Variants in DIAPH1 observed in about 807,000 individuals in gnomAD.
DIAPH1 encodes protein diaphanous homolog 1.
In DIAPH1, 46 loss-of-function variants were observed where a neutral mutation model predicts 140.7. The observed-to-expected ratio is 0.33, with a 90% CI of 0.26 to 0.42. DIAPH1 has a LOEUF of 0.42. Ranked by LOEUF, DIAPH1 falls within the 10% of genes least tolerant of loss-of-function variation. DIAPH1 has a pLI of 1.00. For missense variants in DIAPH1, 1,310 were observed against 1,558.7 expected (o/e 0.84, Z 2.69); for synonymous variants, 565 against 551.6 (o/e 1.02, Z -0.34).
intron 18 of DIAPH1, among the ~76,000 whole-genome samples, chr5:141,535,797 C>A (rs979040668): frequency 7.9e-5 from 12 of 152,136 alleles, no homozygotes; most frequent in African/African-American, 2.9e-4. Context: ...ATGGGAATAT[C>A]CCCGAAAGGA....
intron 6 of DIAPH1, 114 bp downstream of exon 6, chr5:141,583,092 T>C (rs1311296509): frequency 2.2e-6 from 2 of 918,042 alleles, no homozygotes; most frequent in South Asian, 1.3e-5. Context: ...TGGCTAACAG[T>C]ACATTCCCCT....
intron 12 of DIAPH1, 76 bp from the exon 13 acceptor site, chr5:141,576,947 CG>C (rs1457954508): frequency 1.6e-5 from 15 of 914,708 alleles, no homozygotes; most frequent in Non-Finnish European, 2.5e-5. Context: ...ACCAAGAAAA[CG>C]TAATTGCTCT....
Position 141,573,830 on chromosome 5 carries a change from C to T in DIAPH1, c.2020G>A (p.Ala674Thr), listed in dbSNP as rs1326546832. 4.6e-6 allele frequency: 7 copies of T among 1,518,630 alleles called. No individual in the cohort carries two copies. The highest frequency in any genetic ancestry group is 2.6e-5 in the South Asian group (2 of 76,656). The allele number at this position is 1,518,630 out of a possible 1,614,324, so 94.1% of individuals were successfully genotyped here. ...GGCAAAGGAGGAGGTGGGGGGATGG[C>T]AGTACCTCCAGGCAAAGAAGAGGGT... The part of the protein sequence containing the change: ...PSPSSLPGGT[A>T]IPPPPPLPGS... The change falls in exon 16 of 28, where the codon GCC becomes ACC. Residue 674 changes from alanine to threonine, a missense_variant. Physicochemically the swap from Ala to Thr is moderately conservative, Grantham distance 58. Around this residue, in one of 3 missense-constraint regions of DIAPH1, gnomAD observed 589 missense variants for 549.3 expected, o/e 1.07. Coordinates refer to ENST00000389054, the MANE Select transcript of DIAPH1 (RefSeq NM_005219.5).
intron 26 of DIAPH1, among the ~76,000 whole-genome samples, 171 bp downstream of exon 26, chr5:141,525,867 G>A (rs1348914623): frequency 6.6e-6 from 1 of 152,284 alleles, no homozygotes; most frequent in East Asian, 1.9e-4. Context: ...GTTGGAATGC[G>A]CATGTATCAG....
intron 18 of DIAPH1, among the ~76,000 whole-genome samples, chr5:141,567,044 C>T (rs904507037): frequency 2.6e-5 from 4 of 152,080 alleles, no homozygotes; most frequent in East Asian, 1.9e-4. Context: ...GTACAGTGGA[C>T]CAGTTTCAGG....
At chr5:141,584,324 G>C (rs1430091256) in intron 3 of DIAPH1, 99 bp from the exon 4 acceptor site, 1 of 711,862 alleles carries the variant, frequency 1.4e-6, no homozygotes, top group Non-Finnish European at 2.5e-6. Context: ...AGTTGAGCAT[G>C]TAAAATGCTT....
intron 8 of DIAPH1, among the ~76,000 whole-genome samples, chr5:141,579,630 C>G (rs1490837267): frequency 6.6e-6 from 1 of 152,108 alleles, no homozygotes; most frequent in Non-Finnish European, 1.5e-5. Context: ...TCACCTAGAA[C>G]AGATAGTGAA....
chr5:141,559,936 T>C (rs1265306344), intron 18 of DIAPH1, among the ~76,000 whole-genome samples: 1 of 152,220 alleles, frequency 6.6e-6, no homozygotes, highest in African/African-American at 2.4e-5. Context: ...CATGCATACA[T>C]CACTCAGTTT....
chr5:141,534,215 G>T, intron 19 of DIAPH1, 120 bp downstream of exon 19: 1 of 781,284 alleles, frequency 1.3e-6, no homozygotes, highest in Non-Finnish European at 2.2e-6. Flanking sequence ...GCAATGGTTG[G>T]TATATAGCAG....
At chr5:141,561,849 T>C (rs933368712) in intron 18 of DIAPH1, 2 of 152,180 alleles carry the variant, frequency 1.3e-5, no homozygotes, top group African/African-American at 4.8e-5. Flanking sequence ...GGACACTAAG[T>C]TCTAGAGCAA....
chr5:141,571,550 A>C (rs1054410054), intron 17 of DIAPH1, 114 bp from the exon 18 acceptor site: 4 of 922,660 alleles, frequency 4.3e-6, no homozygotes, highest in Non-Finnish European at 6.9e-6. Context: ...CAGTCACCCA[A>C]ACTGTTAAAG....
chr5:141,548,098 C>T (rs1293737757), intron 18 of DIAPH1, among the ~76,000 whole-genome samples: 2 of 151,992 alleles, frequency 1.3e-5, no homozygotes, highest in Non-Finnish European at 2.9e-5. Context: ...TCTCAGGAAG[C>T]TGAGGTAGGA....
chr5:141,522,237 C>G (rs2099886661), intron 27 of DIAPH1, among the ~76,000 whole-genome samples: 1 of 152,222 alleles, frequency 6.6e-6, no homozygotes, highest in Non-Finnish European at 1.5e-5. Flanking sequence ...GCTAGAGCCA[C>G]TTAAAATATA....
intron 1 of DIAPH1, among the ~76,000 whole-genome samples, chr5:141,605,345 C>G (rs148374366): frequency 2.2e-4 from 33 of 151,864 alleles, no homozygotes; most frequent in Non-Finnish European, 4.4e-4. Flanking sequence ...CTAAAATATA[C>G]AAAGACTGTA....
At chr5:141,523,303 C>A (rs1373125475) in intron 27 of DIAPH1, among the ~76,000 whole-genome samples, 1 of 152,206 alleles carries the variant, frequency 6.6e-6, no homozygotes, top group Non-Finnish European at 1.5e-5. Flanking sequence ...GAAGCCACCA[C>A]TCCTAGCCTC....
At chr5:141,573,371 C>G (rs1429340351) in intron 16 of DIAPH1, 121 bp downstream of exon 16, 6 of 1,246,022 alleles carry the variant, frequency 4.8e-6, no homozygotes, top group Non-Finnish European at 6.8e-6. Flanking sequence ...GGAGGCGGAG[C>G]TTGCAGTGAG....
At chr5:141,551,139 T>G (rs966899121) in intron 18 of DIAPH1, among the ~76,000 whole-genome samples, 2 of 152,226 alleles carry the variant, frequency 1.3e-5, no homozygotes, top group Non-Finnish European at 2.9e-5. Context: ...TGTACCGCAT[T>G]TATGGACCTG....
intron 19 of DIAPH1, among the ~76,000 whole-genome samples, chr5:141,531,457 C>T (rs563987835): frequency 6.6e-6 from 1 of 152,110 alleles, no homozygotes; most frequent in East Asian, 1.9e-4. Flanking sequence ...GGACTATAGG[C>T]ATGCGGCACC....
chr5:141,571,527 G>T, intron 17 of DIAPH1, 91 bp from the exon 18 acceptor site: 2 of 1,144,330 alleles, frequency 1.7e-6, no homozygotes, highest in Non-Finnish European at 2.6e-6. Flanking sequence ...TCTTGTTACT[G>T]TAGACAGTCA....
Sources: gnomAD v4.1 joint callset for allele counts (sites outside exome capture counted in the v4.1 genomes callset) on GRCh38, gnomAD v4.1.1 for gene constraint, gnomAD v4.1.1 regional missense constraint, MANE v1.5 for transcripts, NCBI Gene and HGNC (gene_info 2026-07-23, HGNC 2026-07-21) for gene names.